SNRPE: variants seen among roughly 807,000 people sequenced by gnomAD.
SNRPE encodes small nuclear ribonucleoprotein E.
For synonymous variants in SNRPE, 35 were observed against 36.7 expected, an observed-to-expected ratio of 0.95 and a Z score of 0.17; for missense variants, 53 against 111.6, an observed-to-expected ratio of 0.48 and a Z score of 2.36.
chr1:203,865,840 G>T (rs1485682403), intron 4 of SNRPE, among the ~76,000 whole-genome samples: 1 of 152,170 alleles, frequency 6.6e-6, no homozygotes, highest in Non-Finnish European at 1.5e-5. Flanking sequence ...GTATTTACTG[G>T]TCTGTTATAA....
chr1:203,862,275 T>C, intron 2 of SNRPE, 53 bp downstream of exon 2: 1 of 1,340,000 alleles, frequency 7.5e-7, no homozygotes, highest in East Asian at 2.3e-5. Context: ...GTGAACTGAT[T>C]TAGTTTTTTG....
chr1:203,864,993 G>A, intron 3 of SNRPE, 48 bp from the exon 4 acceptor site: 1 of 1,574,676 alleles, frequency 6.4e-7, no homozygotes, highest in Non-Finnish European at 8.6e-7. Flanking sequence ...ATTTAAAATG[G>A]TTTGAATGTG....
intron 1 of SNRPE, 183 bp downstream of exon 1, chr1:203,861,896 G>T: frequency 1.6e-6 from 1 of 642,186 alleles, no homozygotes; most frequent in East Asian, 2.7e-5. Flanking sequence ...GGTCTTGGGG[G>T]GACCCCTGCC....
chr1:203,869,421 C>T (rs963836198), intron 4 of SNRPE, among the ~76,000 whole-genome samples: 5 of 150,238 alleles, frequency 3.3e-5, no homozygotes, highest in Non-Finnish European at 7.4e-5. Context: ...ATTCTCCTGC[C>T]TCAGCCTCCC....
chr1:203,868,163 C>G (rs897279322), intron 4 of SNRPE, among the ~76,000 whole-genome samples: 8 of 152,126 alleles, frequency 5.3e-5, no homozygotes, highest in African/African-American at 1.9e-4. Flanking sequence ...TCAAGCAATT[C>G]TCCTGCCTTA....
chr1:203,861,747 C>G, intron 1 of SNRPE, 34 bp downstream of exon 1: 2 of 1,536,178 alleles, frequency 1.3e-6, no homozygotes, highest in Non-Finnish European at 1.8e-6. Flanking sequence ...CTAGGAGGTT[C>G]GGGTCAGAAT....
intron 2 of SNRPE, among the ~76,000 whole-genome samples, chr1:203,863,211 T>C (rs1690011788): frequency 6.8e-6 from 1 of 146,660 alleles, no homozygotes. Context: ...GGCGGGGAGA[T>C]CTTGCTTAAT....
At chr1:203,863,496 T>G in intron 2 of SNRPE, 167 bp from the exon 3 acceptor site, 1 of 562,936 alleles carries the variant, frequency 1.8e-6, no homozygotes, top group South Asian at 2.4e-5. Flanking sequence ...TTTTTTTGTA[T>G]TTTTAGTAGA....
chr1:203,864,942 C>A, intron 3 of SNRPE, 99 bp from the exon 4 acceptor site: 1 of 966,312 alleles, frequency 1.0e-6, no homozygotes, highest in Non-Finnish European at 1.4e-6. Context: ...AAGAGTGAAT[C>A]TTTGAAGTTA....
chr1:203,861,744 G>A (rs992772635), intron 1 of SNRPE, 31 bp downstream of exon 1: 3 of 1,551,072 alleles, frequency 1.9e-6, no homozygotes, highest in Non-Finnish European at 2.7e-6. Flanking sequence ...GGACTAGGAG[G>A]TTCGGGTCAG....
At chr1:203,863,614 C>T (rs773402053) in intron 2 of SNRPE, 49 bp from the exon 3 acceptor site, 22 of 1,403,986 alleles carry the variant, frequency 1.6e-5, no homozygotes, top group Non-Finnish European at 2.0e-5. Flanking sequence ...CCACCGCGCC[C>T]GGCCCTATTT....
At chr1:203,863,192 G>T (rs1017950586) in intron 2 of SNRPE, among the ~76,000 whole-genome samples, 1 of 105,324 alleles carries the variant, frequency 9.5e-6, no homozygotes, top group East Asian at 3.4e-4. Context: ...AATTTTTTGG[G>T]GGGCGGGGGG....
intron 1 of SNRPE, 39 bp from the exon 2 acceptor site, chr1:203,862,157 T>C: frequency 1.3e-6 from 2 of 1,553,734 alleles, no homozygotes; most frequent in South Asian, 1.1e-5. Flanking sequence ...GCAGAGTCTA[T>C]GCTGCTTTTG....
chr1:203,861,871 T>G, intron 1 of SNRPE, 158 bp downstream of exon 1: 2 of 682,722 alleles, frequency 2.9e-6, no homozygotes. Flanking sequence ...AGTTGAACCG[T>G]GATGGTGGGG....
At chr1:203,866,623 G>A (rs542915259) in intron 4 of SNRPE, among the ~76,000 whole-genome samples, 22 of 152,254 alleles carry the variant, frequency 1.4e-4, no homozygotes, top group Admixed American at 3.9e-4. Context: ...CCAGTTTCCA[G>A]TTCAGCTTAC....
intron 4 of SNRPE, among the ~76,000 whole-genome samples, chr1:203,866,362 A>T (rs1370574724): frequency 2.6e-5 from 4 of 152,172 alleles, no homozygotes; most frequent in Non-Finnish European, 4.4e-5. Context: ...GGACCCAATC[A>T]CTAAATGAGT....
In SNRPE at chr1:203,863,710, A is replaced by G; in HGVS notation, c.129A>G (p.Ile43Met). The part of the protein sequence containing the change: ...VWLYEQVNMR[I>M]EGCIIGFDEY... ...TCTATGAGCAAGTGAATATGCGGAT[A>G]GAAGGCTGTATCATTGTGAGTATCC... Residue 43 changes from isoleucine (I) to methionine (M), a missense_variant, in exon 3 of 5, where the codon ATA becomes ATG. Coordinates refer to ENST00000414487, the MANE Select transcript of SNRPE (RefSeq NM_003094.4). 1 of 1,601,510 alleles carries G rather than the reference A, an allele frequency of 6.2e-7. No individual in the cohort carries two copies. Among genetic ancestry groups the G allele is most frequent in the Non-Finnish European group, 8.6e-7 (1 of 1,168,568 alleles).
chr1:203,863,573 C>G, intron 2 of SNRPE, 90 bp from the exon 3 acceptor site: 1 of 836,404 alleles, frequency 1.2e-6, no homozygotes, highest in Non-Finnish European at 2.1e-6. Flanking sequence ...CCTCCCTCGG[C>G]CTCCGAAAGT....
chr1:203,861,800 G>T, intron 1 of SNRPE, 87 bp downstream of exon 1: 1 of 1,009,946 alleles, frequency 9.9e-7, no homozygotes, highest in Non-Finnish European at 1.6e-6. Context: ...CTGGGATAGT[G>T]GAGTACGGAT....
Sources: allele counts gnomAD v4.1 joint callset (sites outside exome capture counted in the v4.1 genomes callset), GRCh38; gene constraint gnomAD v4.1.1; transcripts MANE v1.5; gene names NCBI Gene and HGNC (gene_info 2026-07-23, HGNC 2026-07-21).